The following MPRIP variants were observed in gnomAD, a reference collection of about 807,000 sequenced individuals.
The protein encoded by MPRIP is myosin phosphatase Rho interacting protein, also known as myosin phosphatase Rho-interacting protein.
A neutral mutation model predicts 234.9 loss-of-function variants in MPRIP; 59 were observed. The observed-to-expected ratio is 0.25, with a 90% CI of 0.20 to 0.31. The LOEUF (loss-of-function observed/expected upper bound fraction) is 0.31, where lower values mean the gene tolerates loss of function less well. Ranked by LOEUF, MPRIP falls within the 10% of genes least tolerant of loss-of-function variation. The pLI is 1.00. For synonymous variants in MPRIP, 1,144 were observed against 1,263.9 expected, an observed-to-expected ratio of 0.91 and a Z score of 2.01; for missense variants, 2,436 against 3,071.0, an observed-to-expected ratio of 0.79 and a Z score of 4.89.
At chr17:17,137,705 G>A (rs2090730730) in intron 6 of MPRIP, among the ~76,000 whole-genome samples, 1 of 152,088 alleles carries the variant, frequency 6.6e-6, no homozygotes. Context: ...GGGAGAGATG[G>A]ATGAGAGAAA....
chr17:17,087,179 C>T (rs1597782883), intron 3 of MPRIP, among the ~76,000 whole-genome samples: 1 of 152,242 alleles, frequency 6.6e-6, no homozygotes, highest in South Asian at 2.1e-4. Context: ...TGGGGGTTCC[C>T]ACTGTGACCT....
intron 16 of MPRIP, chr17:17,170,758 T>A (rs529058386): frequency 1.7e-4 from 26 of 152,254 alleles, no homozygotes; most frequent in African/African-American, 5.3e-4. Context: ...CTTGAAGGAT[T>A]TAGACAGAAA....
At chr17:17,175,166 G>T (rs913417841) in intron 19 of MPRIP, 127 bp from the exon 20 acceptor site, 1 of 1,374,340 alleles carries the variant, frequency 7.3e-7, no homozygotes, top group Non-Finnish European at 1.0e-6. Context: ...AAGGGTTATC[G>T]ATTGGATCCT....
intron 3 of MPRIP, among the ~76,000 whole-genome samples, chr17:17,085,651 C>T (rs2089572474): frequency 6.6e-6 from 1 of 152,334 alleles, no homozygotes; most frequent in Admixed American, 6.5e-5. Flanking sequence ...TGGTGGCTCA[C>T]GCCTGTAATC....
chr17:17,179,867 C>A, intron 22 of MPRIP, 136 bp from the exon 23 acceptor site: 1 of 696,934 alleles, frequency 1.4e-6, no homozygotes, highest in East Asian at 2.8e-5. Context: ...CTTTGAATTC[C>A]CTTAGAGTTG....
Position 17,167,829 on chromosome 17 carries a change from A to C in MPRIP, c.6238A>C (p.Met2080Leu), listed in dbSNP as rs1456464152. Residue 2080 changes from methionine (M) to leucine (L), a missense_variant, in exon 16 of 24, where the codon ATG (methionine) becomes CTG (leucine). By Grantham distance (15) the Met-to-Leu change is conservative. This residue lies in a region of MPRIP where 1,998 missense variants were observed against 2,520.3 expected (regional missense o/e 0.79). Transcript: ENST00000651222. The surrounding 1 kb of genome is among the most constrained non-coding windows in gnomAD (Gnocchi z 5.9). ...IQELEAQMDV[M>L]REELGHKDLE... ...GGAGCTGGAGGCCCAGATGGATGTC[A>C]TGCGGGAGGAGCTGGGACACAAGGA... 2 of 1,304,186 alleles carry C rather than the reference A, an allele frequency of 1.5e-6. No individual in the cohort carries two copies. Among genetic ancestry groups the C allele is most frequent in the East Asian group, 1.1e-4 (2 of 18,032 alleles). The allele number at this position is 1,304,186 out of a possible 1,614,324, so 80.8% of individuals were successfully genotyped here. A position where few individuals can be genotyped will look rare whatever the true frequency, so the allele number is the denominator to read the frequency against.
At position 17,167,055 on chromosome 17, in the gene MPRIP, C is replaced by T; in HGVS notation, c.5464C>T (p.Leu1822Phe). 7.7e-7 allele frequency: 1 copy of T among 1,304,330 alleles called. No homozygotes were observed. 80.8% of individuals were successfully genotyped at this position (1,304,330 alleles called of 1,614,324 possible). A position where few individuals can be genotyped will look rare whatever the true frequency, so the allele number is the denominator to read the frequency against. Residue 1822 changes from leucine to phenylalanine, a missense_variant, in exon 16 of 24, where the codon CTC (leucine) becomes TTC (phenylalanine). Transcript: ENST00000651222. This position sits in a 1 kb window ranked among gnomAD's most constrained non-coding sequence, Gnocchi z 5.9. ...GAAGCTTCTCCAGGTGTCCCAGAGT[C>T]TCTCGTATAACACTTGTTTGGGAGG... ...CQKLLQVSQS[L>F]SYNTCLGGLG...
chr17:17,063,109 G>A (rs1023209482), intron 1 of MPRIP, among the ~76,000 whole-genome samples: 10 of 152,256 alleles, frequency 6.6e-5, no homozygotes, highest in Admixed American at 2.6e-4. Flanking sequence ...GACCAGCGTT[G>A]TCCTAGTGAC....
chr17:17,131,796 C>T, intron 5 of MPRIP, 95 bp downstream of exon 5: 1 of 1,126,720 alleles, frequency 8.9e-7, no homozygotes, highest in Non-Finnish European at 1.3e-6. Context: ...AGGACACAGT[C>T]AGGCCAGGGC....
intron 12 of MPRIP, among the ~76,000 whole-genome samples, chr17:17,153,355 G>A (rs2045647078): frequency 6.6e-6 from 1 of 152,148 alleles, no homozygotes; most frequent in Non-Finnish European, 1.5e-5. Context: ...GTCTGCTTGT[G>A]AGCAGCTCTC....
chr17:17,047,887 A>G (rs2088405637), intron 1 of MPRIP, among the ~76,000 whole-genome samples: 1 of 152,054 alleles, frequency 6.6e-6, no homozygotes, highest in Admixed American at 6.6e-5. Context: ...GGCTGCATAG[A>G]GTGAAAGGAG....
In MPRIP at chr17:17,078,019, G is replaced by A. The variant is rs1343403995; in HGVS notation, c.210G>A (p.Gln70=). The A allele has an allele frequency of 6.2e-7, 1 of 1,614,162 alleles. No homozygotes were observed. Among genetic ancestry groups the A allele is most frequent in the Non-Finnish European group, 8.5e-7 (1 of 1,180,014 alleles). ...CTTGTGCTCCGTTGCAGAAATGGCA[G>A]CGACGGTTCTTCATCCTTTACGAGC... The part of the protein sequence containing the change: ...DNPVHRSRKW[Q]RRFFILYEHG... Residue 70 remains glutamine, a synonymous_variant, in exon 3 of 24, where the codon CAG becomes CAA. Transcript: ENST00000651222. This position sits in a 1 kb window ranked among gnomAD's most constrained non-coding sequence, Gnocchi z 4.3.
chr17:17,086,372 C>T (rs531917043), intron 3 of MPRIP, among the ~76,000 whole-genome samples: 22 of 152,346 alleles, frequency 1.4e-4, no homozygotes, highest in African/African-American at 5.1e-4. Context: ...GTCCCCATCC[C>T]GTCTTGATTT....
Position 17,154,347 on chromosome 17 carries a change from G to A in MPRIP, c.1761G>A (p.Gly587=). 1.2e-6 allele frequency: 2 copies of A among 1,614,188 alleles called. No homozygotes were observed. Among genetic ancestry groups the A allele is most frequent in the Admixed American group, 3.3e-5 (2 of 60,020 alleles). The change falls in exon 13 of 24, where the codon GGG becomes GGA. Residue 587 remains glycine, a synonymous_variant. Coordinates refer to ENST00000651222, the MANE Select transcript of MPRIP (RefSeq NM_001364716.4). ...TTACCCTGTCGGCCATGACATCTGG[G>A]ATTCGGCGGAACTGGATCCAGACCA... ...GEFTLSAMTS[G]IRRNWIQTIM...
At chr17:17,143,978 C>T (rs953534646) in intron 9 of MPRIP, among the ~76,000 whole-genome samples, 9 of 152,220 alleles carry the variant, frequency 5.9e-5, no homozygotes, top group South Asian at 2.1e-4. Context: ...AGGGACCCTC[C>T]GCTCCTCTGG....
At chr17:17,110,648 C>T (rs959102152) in intron 3 of MPRIP, among the ~76,000 whole-genome samples, 11 of 152,158 alleles carry the variant, frequency 7.2e-5, no homozygotes, top group Non-Finnish European at 4.4e-5. Flanking sequence ...AGTGATCAGT[C>T]GTGAAGCCTT....
chr17:17,066,103 G>A (rs2089016944), intron 1 of MPRIP, among the ~76,000 whole-genome samples: 1 of 152,122 alleles, frequency 6.6e-6, no homozygotes, highest in Admixed American at 6.5e-5. Flanking sequence ...TATTTTGTCA[G>A]TTTTGATCTA....
At chr17:17,180,282 C>T in intron 23 of MPRIP, 194 bp downstream of exon 23, 1 of 607,698 alleles carries the variant, frequency 1.6e-6, no homozygotes, top group Non-Finnish European at 2.9e-6. Flanking sequence ...GAGCCACCTC[C>T]TGGCAATGAC....
At chr17:17,091,453 G>A (rs1435175232) in intron 3 of MPRIP, among the ~76,000 whole-genome samples, 6 of 152,152 alleles carry the variant, frequency 3.9e-5, no homozygotes, top group Non-Finnish European at 1.5e-5. Context: ...GTGTGAACAG[G>A]GCAGTTGTCA....
Sources: gnomAD v4.1 joint callset for allele counts (sites outside exome capture counted in the v4.1 genomes callset) on GRCh38, gnomAD v4.1.1 for gene constraint, gnomAD v4.1.1 regional missense constraint, Gnocchi (gnomAD v3.1) non-coding constraint, MANE v1.5 for transcripts, NCBI Gene and HGNC (gene_info 2026-07-23, HGNC 2026-07-21) for gene names.